Variants in USH2A observed in about 807,000 individuals in gnomAD.
USH2A encodes usherin.
Under a neutral mutation model 538.9 loss-of-function variants are expected in USH2A, and 443 were observed. The ratio of observed to expected loss-of-function variants is 0.82; its 90% confidence interval spans 0.76 to 0.89. USH2A has a LOEUF of 0.89. USH2A is among the 40% of genes least tolerant of loss of function. The probability of loss-of-function intolerance (pLI) is 0.00; values close to 1 mark genes in which losing one functional copy is unlikely to be tolerated. For synonymous variants in USH2A, 2,413 were observed against 2,273.5 expected (o/e 1.06, Z -1.75); for missense variants, 6,633 against 6,324.8 (o/e 1.05, Z -1.65).
chr1:215,986,279 C>T (rs1174876815), intron 35 of USH2A, among the ~76,000 whole-genome samples: 2 of 151,000 alleles, frequency 1.3e-5, no homozygotes, highest in African/African-American at 2.4e-5. Flanking sequence ...ACTACCACGC[C>T]TGGCTAATTT....
At chr1:216,198,195 T>C (rs191481048) in intron 18 of USH2A, 120 bp downstream of exon 18, 352 of 1,458,012 alleles carry the variant, frequency 2.4e-4, no homozygotes, top group Non-Finnish European at 2.7e-4. Context: ...TTTTCCTTGG[T>C]CTATGGAAGT....
At chr1:215,853,994 C>T (rs932386964) in intron 44 of USH2A, among the ~76,000 whole-genome samples, 1 of 152,196 alleles carries the variant, frequency 6.6e-6, no homozygotes, top group Non-Finnish European at 1.5e-5. Flanking sequence ...GTTGTTTCCA[C>T]ATTTTTGGCT....
At chr1:216,225,089 A>C (rs1342917988) in intron 14 of USH2A, among the ~76,000 whole-genome samples, 1 of 152,158 alleles carries the variant, frequency 6.6e-6, no homozygotes, top group African/African-American at 2.4e-5. Flanking sequence ...ATATCTGTAT[A>C]TATTTACATT....
At chr1:216,158,052 G>C (rs1199693459) in intron 21 of USH2A, among the ~76,000 whole-genome samples, 1 of 151,994 alleles carries the variant, frequency 6.6e-6, no homozygotes, top group Admixed American at 6.6e-5. Context: ...CACCCACATT[G>C]TTCTCTGAAG....
intron 3 of USH2A, among the ~76,000 whole-genome samples, chr1:216,387,237 G>C (rs1040261979): frequency 6.6e-6 from 1 of 152,174 alleles, no homozygotes; most frequent in African/African-American, 2.4e-5. Flanking sequence ...AAGGAAAACA[G>C]TCAATGACTT....
intron 21 of USH2A, among the ~76,000 whole-genome samples, chr1:216,161,243 C>T (rs1186521656): frequency 2.0e-5 from 3 of 152,116 alleles, no homozygotes; most frequent in South Asian, 2.1e-4. Context: ...TTATTCCCCA[C>T]ATTTGCTCTT....
chr1:216,217,964 C>T (rs2035376636), intron 14 of USH2A, among the ~76,000 whole-genome samples: 1 of 152,034 alleles, frequency 6.6e-6, no homozygotes, highest in African/African-American at 2.4e-5. Flanking sequence ...TTTCAAGTGA[C>T]TCTCCAATTG....
intron 21 of USH2A, among the ~76,000 whole-genome samples, chr1:216,104,535 A>G (rs1353178028): frequency 6.6e-6 from 1 of 152,158 alleles, no homozygotes; most frequent in South Asian, 2.1e-4. Flanking sequence ...CAACCATCTG[A>G]TCTTTGACAA....
intron 60 of USH2A, 74 bp from the exon 61 acceptor site, chr1:215,728,458 A>AT (rs748270581): frequency 1.4e-5 from 20 of 1,420,902 alleles, no homozygotes; most frequent in Admixed American, 3.7e-5. Context: ...GAGTAAAAAC[A>AT]TTTTTTTTAG....
chr1:215,776,868 T>A (rs1230514713), intron 55 of USH2A, among the ~76,000 whole-genome samples: 24 of 152,150 alleles, frequency 1.6e-4, no homozygotes, highest in Admixed American at 1.6e-3. Context: ...ATCTCAAGTT[T>A]CCGATTATCT....
chr1:216,046,343 G>T, intron 32 of USH2A, 88 bp downstream of exon 32: 1 of 1,467,338 alleles, frequency 6.8e-7, no homozygotes, highest in South Asian at 1.2e-5. Context: ...TGCAGATATG[G>T]AACCCCTGGA....
intron 40 of USH2A, among the ~76,000 whole-genome samples, chr1:215,891,786 C>T (rs964997438): frequency 2.0e-5 from 3 of 152,260 alleles, no homozygotes; most frequent in Admixed American, 6.5e-5. Context: ...ATGCGGCTGT[C>T]ACTGGAGGGG....
chr1:216,382,334 G>T (rs147707441), intron 3 of USH2A, among the ~76,000 whole-genome samples: 1 of 152,084 alleles, frequency 6.6e-6, no homozygotes, highest in Non-Finnish European at 1.5e-5. Flanking sequence ...AGGATTAAGC[G>T]GAATAAATAG....
chr1:215,636,553 G>A (rs1477639864), intron 69 of USH2A, among the ~76,000 whole-genome samples: 1 of 152,168 alleles, frequency 6.6e-6, no homozygotes, highest in Non-Finnish European at 1.5e-5. Context: ...TGTTTCCTCT[G>A]TGTGTGGCAC....
At chr1:216,279,054 A>T (rs1366650098) in intron 11 of USH2A, among the ~76,000 whole-genome samples, 1 of 151,948 alleles carries the variant, frequency 6.6e-6, no homozygotes, top group Non-Finnish European at 1.5e-5. Context: ...ATTCATTTCA[A>T]CCTCAGTTTC....
intron 43 of USH2A, among the ~76,000 whole-genome samples, chr1:215,875,645 A>T (rs1010643007): frequency 3.3e-5 from 5 of 152,084 alleles, no homozygotes; most frequent in Middle Eastern, 3.4e-3. Context: ...AAAGAAACAA[A>T]ATTAACTTTT....
rs1662225276 is a variant in USH2A at position 215,799,065 on chromosome 1, C to A, written c.9800G>T (p.Cys3267Phe). Residue 3267 changes from cysteine (C) to phenylalanine (F), a missense_variant, in exon 50 of 72, where the codon TGC becomes TTC. Physicochemically the swap from Cys to Phe is radical, Grantham distance 205. Coordinates refer to ENST00000307340, the MANE Select transcript of USH2A (RefSeq NM_206933.4). Reference sequence around the variant, plus strand: ...GGTGGAGTACGGCATTCTGCCACAGCAGGAATCACCAATGCCAACAGAAAC... The same window carrying A: ...GGTGGAGTACGGCATTCTGCCACAGAAGGAATCACCAATGCCAACAGAAAC... The part of the protein sequence containing the change: ...NRVSVGIGDS[C>F]CGRMPYSTSG... 1 of 1,614,064 alleles carries A rather than the reference C, an allele frequency of 6.2e-7. No homozygotes were observed. Among genetic ancestry groups the A allele is most frequent in the Non-Finnish European group, 8.5e-7 (1 of 1,180,002 alleles).
At chr1:215,881,530 T>A (rs1664909107) in intron 41 of USH2A, among the ~76,000 whole-genome samples, 1 of 152,204 alleles carries the variant, frequency 6.6e-6, no homozygotes, top group African/African-American at 2.4e-5. Flanking sequence ...GTATATGTGG[T>A]CAAAATATAT....
At chr1:216,019,207 AGAG>A (rs3057800) in intron 32 of USH2A, among the ~76,000 whole-genome samples, 24,310 of 152,102 alleles carry the variant, frequency 0.16, 2,177 homozygotes, top group South Asian at 0.29. Flanking sequence ...GTGGAGATAG[AGAG>A]TGAAGACATT....
Sources: allele counts gnomAD v4.1 joint callset (sites outside exome capture counted in the v4.1 genomes callset), GRCh38; gene constraint gnomAD v4.1.1; transcripts MANE v1.5; gene names NCBI Gene and HGNC (gene_info 2026-07-23, HGNC 2026-07-21).